Variants in NAA11 observed in about 807,000 individuals in gnomAD.
NAA11 encodes the protein N-alpha-acetyltransferase 11, NatA catalytic subunit.
In NAA11, 15 loss-of-function variants were observed where a neutral mutation model predicts 16.1. The ratio of observed to expected loss-of-function variants is 0.93; its 90% CI spans 0.62 to 1.44. The LOEUF (loss-of-function observed/expected upper bound fraction) is 1.44. Among genes scored for constraint, NAA11 ranks in the 40% most tolerant of loss-of-function variants. The pLI is 0.00. For synonymous variants in NAA11, 122 were observed against 112.4 expected (o/e 1.09, Z -0.54); for missense variants, 298 against 291.3 (o/e 1.02, Z -0.17).
chr4:79,229,788 G>C (rs1721413868), intron 2 of NAA11, among the ~76,000 whole-genome samples: 1 of 151,946 alleles, frequency 6.6e-6, no homozygotes, highest in Non-Finnish European at 1.5e-5. Context: ...GTGGGGCATA[G>C]AGATATTATA....
chr4:79,325,854 T>G lies in NAA11; in HGVS notation c.24A>C (p.Pro8=), dbSNP rs777942222. ...AGTGTTGCATATTCATCAGGTCGTC[T>G]GGCTGAGCGTTGCGGATGTTCATAA... MNIRNAQ[P]DDLMNMQHCN... is the part of the protein sequence containing the mutation. Residue 8 remains proline, a synonymous_variant, in exon 1 of 2, where the codon CCA becomes CCC. Transcript: ENST00000286794. 1.4e-5 allele frequency: 23 copies of G among 1,612,166 alleles called. No homozygotes were observed. In the Admixed American group the frequency reaches 2.0e-4, roughly 14 times the overall value.
At chr4:79,167,284 G>T in the NAA11 span, among the ~76,000 whole-genome samples, 64 of 143,182 alleles carry the variant, frequency 4.5e-4, no homozygotes, top group African/African-American at 1.4e-3. Context: ...GAGAGAGAGA[G>T]AGAGAGAGAG....
chr4:79,214,812 T>A, the NAA11 span, among the ~76,000 whole-genome samples: 1 of 151,970 alleles, frequency 6.6e-6, no homozygotes, highest in East Asian at 1.9e-4. Flanking sequence ...AAAATAAAAA[T>A]AAAAATAAAA....
At chr4:79,315,137 C>T (rs1243685228), downstream of NAA11, among the ~76,000 whole-genome samples, 2 of 151,460 alleles carry the variant, frequency 1.3e-5, no homozygotes, top group African/African-American at 4.9e-5. Flanking sequence ...GGACCAGCAA[C>T]ATGAGCAATG....
chr4:79,325,520 G>A lies in NAA11; in HGVS notation c.358C>T (p.His120Tyr), dbSNP rs778507634. 7 of 1,614,186 alleles carry A rather than the reference G, an allele frequency of 4.3e-6. No individual in the cohort carries two copies. The Admixed American group carries it at 6.7e-5, about 15-fold the overall frequency. ...AAGTTGAGGGTGTTAGAATAAAGGT[G>A]CAAGGCTGGCCGGTTACTCTTCCTG... ...HVRKSNRPALHLYSNTLNFQI... is the reference protein window; with the variant it reads ...HVRKSNRPALYLYSNTLNFQI... The change falls in exon 1 of 2, where the codon CAC (histidine) becomes TAC (tyrosine). Residue 120 changes from histidine to tyrosine, a missense_variant. His to Tyr is a moderately conservative substitution (Grantham distance 83). Coordinates refer to ENST00000286794, the MANE Select transcript of NAA11 (RefSeq NM_032693.3).
intron 2 of NAA11, among the ~76,000 whole-genome samples, chr4:79,277,028 T>A (rs1028293040): frequency 6.6e-6 from 1 of 152,130 alleles, no homozygotes; most frequent in African/African-American, 2.4e-5. Flanking sequence ...AGGATAGCCT[T>A]AGACATGATA....
intron 2 of NAA11, among the ~76,000 whole-genome samples, chr4:79,268,790 C>T (rs141089161): frequency 0.034 from 5,119 of 150,712 alleles, 140 homozygotes; most frequent in East Asian, 0.072. Flanking sequence ...CATGCTGGTG[C>T]GCTGCACCCA....
chr4:79,263,879 A>G (rs2109975684), intron 2 of NAA11, among the ~76,000 whole-genome samples: 1 of 152,248 alleles, frequency 6.6e-6, no homozygotes, highest in Admixed American at 6.5e-5. Flanking sequence ...AATGAAGACA[A>G]CCTTCACATG....
the NAA11 span, among the ~76,000 whole-genome samples, chr4:79,202,122 C>T: frequency 2.0e-5 from 3 of 151,718 alleles, no homozygotes; most frequent in Non-Finnish European, 3.0e-5. Context: ...ATTCTACTCT[C>T]TATTTCCATG....
chr4:79,214,171 C>T, the NAA11 span, among the ~76,000 whole-genome samples: 3 of 152,118 alleles, frequency 2.0e-5, no homozygotes, highest in Admixed American at 2.0e-4. Flanking sequence ...GCTTGATTTC[C>T]AATACACATT....
the NAA11 span, among the ~76,000 whole-genome samples, chr4:79,161,058 A>T: frequency 6.6e-6 from 1 of 152,152 alleles, no homozygotes; most frequent in African/African-American, 2.4e-5. Context: ...AGAGCTTTAT[A>T]CTTTTAGCTC....
intron 1 of NAA11, among the ~76,000 whole-genome samples, chr4:79,298,524 A>AT (rs1388152259): frequency 2.6e-5 from 4 of 152,272 alleles, no homozygotes; most frequent in Admixed American, 2.6e-4. Flanking sequence ...GAAGCTGCTT[A>AT]TGGTGCCCCT....
intron 2 of NAA11, among the ~76,000 whole-genome samples, chr4:79,233,220 C>T (rs1210203716): frequency 2.6e-5 from 4 of 151,876 alleles, no homozygotes; most frequent in African/African-American, 9.7e-5. Flanking sequence ...AGCTAGCCAC[C>T]TTTCCATGTG....
chr4:79,257,734 A>G (rs571548158), intron 2 of NAA11, among the ~76,000 whole-genome samples: 9 of 152,264 alleles, frequency 5.9e-5, no homozygotes, highest in African/African-American at 1.4e-4. Flanking sequence ...TTTATTTCAT[A>G]TATTGTATCA....
chr4:79,207,894 T>C, the NAA11 span, among the ~76,000 whole-genome samples: 1 of 152,168 alleles, frequency 6.6e-6, no homozygotes, highest in African/African-American at 2.4e-5. Context: ...CTTCAACATC[T>C]TCTCTATATT....
chr4:79,229,927 T>C (rs1011850485), intron 2 of NAA11, among the ~76,000 whole-genome samples: 2 of 152,116 alleles, frequency 1.3e-5, no homozygotes, highest in African/African-American at 2.4e-5. Flanking sequence ...ATCAAGATGC[T>C]GCCACATTTA....
chr4:79,324,336 T>G (rs1026912615), intron 1 of NAA11, among the ~76,000 whole-genome samples: 1 of 152,226 alleles, frequency 6.6e-6, no homozygotes, highest in East Asian at 1.9e-4. Flanking sequence ...ATAGTCCCCG[T>G]TCAAATTTTG....
rs1221002788 is a variant in NAA11, at chr4:79,318,930, T to C, written c.*13-1139A>G. Among the ~76,000 whole-genome samples the C allele has an allele frequency of 2.0e-5, 3 of 152,144 alleles. No individual in the cohort carries two copies. The East Asian group carries it at 5.8e-4, about 29-fold the overall frequency. On this transcript the variant is annotated intron_variant, in intron 1 of 1. Coordinates refer to ENST00000286794, the MANE Select transcript of NAA11 (RefSeq NM_032693.3). ...TTTAAAATGTTAGTATTATAGTCCT[T>C]TTTTTGAGACAGGGTCTTGCTCTGT... is the stretch of plus-strand genomic sequence containing the variant.
At chr4:79,236,682 C>A (rs1721577686) in intron 2 of NAA11, among the ~76,000 whole-genome samples, 1 of 152,068 alleles carries the variant, frequency 6.6e-6, no homozygotes, top group African/African-American at 2.4e-5. Context: ...TTAAAGTCTT[C>A]AAAGTTGATT....
Sources: gnomAD v4.1 joint callset for allele counts (sites outside exome capture counted in the v4.1 genomes callset) on GRCh38, gnomAD v4.1.1 for gene constraint, MANE v1.5 for transcripts, NCBI Gene and HGNC (gene_info 2026-07-23, HGNC 2026-07-21) for gene names.